FGF14: variants seen among roughly 807,000 people sequenced by gnomAD.
FGF14 encodes fibroblast growth factor 14.
Under a neutral mutation model 25.5 loss-of-function variants are expected in FGF14, and 5 were observed. The ratio of observed to expected loss-of-function variants is 0.20; its 90% CI spans 0.10 to 0.41. The LOEUF (loss-of-function observed/expected upper bound fraction) is 0.41, where lower values mean the gene tolerates loss of function less well. FGF14 is among the 10% of genes least tolerant of loss of function. The pLI is 1.00. For missense variants in FGF14, 222 were observed against 320.1 expected (o/e 0.69, Z 2.34); for synonymous variants, 138 against 118.3 (o/e 1.17, Z -1.08).
intron 1 of FGF14, among the ~76,000 whole-genome samples, chr13:101,960,017 T>A (rs1348878658): frequency 1.3e-5 from 2 of 152,254 alleles, no homozygotes; most frequent in African/African-American, 4.8e-5. Context: ...ATCTATGTTA[T>A]AGTAACGAAC....
At position 102,400,046 on chromosome 13, in the gene FGF14, C is replaced by A. The variant is rs1260437157; in HGVS notation, c.208+1425G>T. Among the ~76,000 whole-genome samples, 9 of 151,020 alleles carry A rather than the reference C, an allele frequency of 6.0e-5. No homozygotes were observed. Among genetic ancestry groups the A allele is most frequent in the African/African-American group, 1.9e-4 (8 of 41,356 alleles). On this transcript the variant is annotated intron_variant, in intron 1 of 4. Coordinates refer to the FGF14 transcript ENST00000376131. The surrounding 1 kb of genome is among the most constrained non-coding windows in gnomAD (Gnocchi z 4.3). ...TCTCAGCCTCCGCACCCACCGCCTC[C>A]GTCCCCGCCCACCCGCACCTCCTCC...
intron 1 of FGF14, among the ~76,000 whole-genome samples, chr13:102,156,105 T>C (rs912053935): frequency 2.0e-5 from 3 of 152,216 alleles, no homozygotes; most frequent in African/African-American, 7.2e-5. Context: ...TACCATTCTT[T>C]CTGAAACTAT....
intron 1 of FGF14, among the ~76,000 whole-genome samples, chr13:102,156,410 C>T (rs994575949): frequency 2.0e-5 from 3 of 152,120 alleles, no homozygotes; most frequent in Non-Finnish European, 2.9e-5. Context: ...TGACAAAAAC[C>T]ACATGATTAT....
intron 1 of FGF14, among the ~76,000 whole-genome samples, chr13:102,116,708 T>C (rs1400616836): frequency 6.6e-6 from 1 of 152,160 alleles, no homozygotes; most frequent in East Asian, 1.9e-4. Context: ...ACAGAGTTTG[T>C]TTGAGATGAT....
At position 101,723,268 on chromosome 13, in the gene FGF14, A is replaced by AACAC. The variant is rs36111495; in HGVS notation, c.608-305_608-302dup. Among the ~76,000 whole-genome samples the AACAC allele has an allele frequency of 0.15, 23,143 of 150,064 alleles. 2,039 individuals carry two copies. Among genetic ancestry groups the AACAC allele is most frequent in the African/African-American group, 0.26 (10,445 of 40,930 alleles). ...GCCTCTTTGTGGGTCCATGATGTAAAACACACACACACACACACACTATAG... is the reference window on the plus strand; with the variant it reads ...GCCTCTTTGTGGGTCCATGATGTAAAACACACACACACACACACACACACTATAG... On this transcript the variant is annotated intron_variant, in intron 4 of 4. Transcript: ENST00000376143.
At position 102,392,062 on chromosome 13, in the gene FGF14, A is replaced by G. The variant is rs538952860; in HGVS notation, c.208+9409T>C. 1.2e-4 allele frequency among the ~76,000 whole-genome samples: 18 copies of G among 152,338 alleles called. No individual in the cohort carries two copies. In the South Asian group the frequency reaches 2.7e-3, roughly 23 times the overall value. ...CACACAGGAAGTGGAAAGAACAGATATTACAATCCCTCCCAAGCTACACCT... is the reference window on the plus strand; with the variant it reads ...CACACAGGAAGTGGAAAGAACAGATGTTACAATCCCTCCCAAGCTACACCT... On this transcript the variant is annotated intron_variant, in intron 1 of 4. Coordinates refer to the FGF14 transcript ENST00000376131.
intron 1 of FGF14, among the ~76,000 whole-genome samples, chr13:102,086,477 C>T (rs964532813): frequency 7.9e-5 from 12 of 152,004 alleles, no homozygotes; most frequent in African/African-American, 2.7e-4. Flanking sequence ...TTGCAGTGAG[C>T]CGAGATCGAG....
rs193236238 is a variant in FGF14, at chr13:101,714,024, T to C, written c.*8807A>G. On this transcript the variant is annotated 3_prime_UTR_variant, in exon 5 of 5. Transcript: ENST00000376143. ...ACAATAATTTAGTAGTTGTTTTAAT[T>C]AGAAATGCAACCTAATTTAATACAA... The C allele has an allele frequency of 1.3e-3, 200 of 158,276 alleles. 1 individual carries two copies. Among genetic ancestry groups the C allele is most frequent in the African/African-American group, 4.7e-3 (195 of 41,768 alleles). The allele number at this position is 158,276 out of a possible 1,614,324, so 9.8% of individuals were successfully genotyped here. A position where few individuals can be genotyped will look rare whatever the true frequency, so the allele number is the denominator to read the frequency against.
intron 3 of FGF14, among the ~76,000 whole-genome samples, chr13:101,782,987 CCCA>C (rs1394976030): frequency 6.6e-6 from 1 of 152,176 alleles, no homozygotes; most frequent in Non-Finnish European, 1.5e-5. Flanking sequence ...AATTTACACT[CCCA>C]CCAACAGTGT....
At chr13:102,352,626 C>T (rs1412303714) in intron 1 of FGF14, among the ~76,000 whole-genome samples, 3 of 151,990 alleles carry the variant, frequency 2.0e-5, no homozygotes, top group Non-Finnish European at 4.4e-5. Flanking sequence ...TTCTGGCTAA[C>T]ACGATGAAAC....
intron 1 of FGF14, among the ~76,000 whole-genome samples, chr13:102,300,464 G>A (rs2054973187): frequency 6.6e-6 from 1 of 152,128 alleles, no homozygotes; most frequent in African/African-American, 2.4e-5. Flanking sequence ...AGATTTGACA[G>A]TCTTGTTGTA....
intron 1 of FGF14, among the ~76,000 whole-genome samples, chr13:102,154,539 C>T (rs1328209374): frequency 2.0e-5 from 3 of 152,100 alleles, no homozygotes; most frequent in Non-Finnish European, 4.4e-5. Context: ...AAAGGAACAA[C>T]CGGTACCAGC....
chr13:102,297,749 A>T lies in FGF14; in HGVS notation c.208+103722T>A, dbSNP rs1410963554. 2.0e-5 allele frequency among the ~76,000 whole-genome samples: 3 copies of T among 151,844 alleles called. No individual in the cohort carries two copies. In the East Asian group the frequency reaches 5.8e-4, roughly 29 times the overall value. ...AAAAAAAAAAAACAATCAAAAAATT[A>T]GCAGGGCATGGTGGTGTGCATCTGC... On this transcript the variant is annotated intron_variant, in intron 1 of 4. Transcript: ENST00000376131.
intron 1 of FGF14, among the ~76,000 whole-genome samples, chr13:102,184,901 A>G (rs2048819241): frequency 1.3e-5 from 2 of 152,224 alleles, no homozygotes; most frequent in African/African-American, 4.8e-5. Context: ...ATTTATAATA[A>G]CAGTGAGAAA....
intron 1 of FGF14, among the ~76,000 whole-genome samples, chr13:101,888,636 A>C (rs934236145): frequency 6.6e-6 from 1 of 152,182 alleles, no homozygotes; most frequent in Admixed American, 6.5e-5. Context: ...ATTAGTAGAC[A>C]ATAGCAAAGC....
intron 1 of FGF14, among the ~76,000 whole-genome samples, chr13:102,108,397 T>C (rs768029411): frequency 2.4e-4 from 36 of 152,342 alleles, no homozygotes; most frequent in Non-Finnish European, 2.6e-4. Flanking sequence ...GACACAGAAT[T>C]ACATAGTAGT....
At position 101,715,480 on chromosome 13, in the gene FGF14, T is replaced by C. The variant is rs766061593; in HGVS notation, c.*7351A>G. 2.2e-6 allele frequency: 2 copies of C among 917,504 alleles called. No individual in the cohort carries two copies. The highest frequency in any genetic ancestry group is 1.8e-5 in the Admixed American group (1 of 56,452). The allele number at this position is 917,504 out of a possible 1,614,324, so 56.8% of individuals were successfully genotyped here. On this transcript the variant is annotated 3_prime_UTR_variant, in exon 5 of 5. Transcript: ENST00000376143. ...AAGGATGAATGAAATGATTTCATTG[T>C]GGACACTTGTGATTTATAATAGCAT... is the stretch of plus-strand genomic sequence containing the variant.
chr13:102,314,811 C>T (rs1181426186), intron 1 of FGF14, among the ~76,000 whole-genome samples: 1 of 152,038 alleles, frequency 6.6e-6, no homozygotes, highest in African/African-American at 2.4e-5. Context: ...CAAGTACTTG[C>T]TCACACCTGC....
intron 3 of FGF14, among the ~76,000 whole-genome samples, chr13:101,812,492 A>T (rs1439959110): frequency 6.6e-6 from 1 of 150,758 alleles, no homozygotes; most frequent in Non-Finnish European, 1.5e-5. Flanking sequence ...TTTTATATTT[A>T]GTTGTTGCAG....
Sources: gnomAD v4.1 joint callset for allele counts (sites outside exome capture counted in the v4.1 genomes callset) on GRCh38, gnomAD v4.1.1 for gene constraint, Gnocchi (gnomAD v3.1) non-coding constraint, MANE v1.5 for transcripts, NCBI Gene and HGNC (gene_info 2026-07-23, HGNC 2026-07-21) for gene names.